ARNT2: variants seen among roughly 807,000 people sequenced by gnomAD.
The protein encoded by ARNT2 is ARNT protein 2.
A neutral mutation model predicts 91.7 loss-of-function variants in ARNT2; 36 were observed. The observed-to-expected ratio is 0.39, with a 90% confidence interval of 0.30 to 0.52. The LOEUF (loss-of-function observed/expected upper bound fraction) is 0.52, where lower values mean the gene tolerates loss of function less well. Among genes scored for constraint, ARNT2 ranks in the 20% least tolerant of loss-of-function variants. The pLI is 0.72. For synonymous variants in ARNT2, 365 were observed against 347.1 expected, an observed-to-expected ratio of 1.05 and a Z score of -0.57; for missense variants, 775 against 939.3, an observed-to-expected ratio of 0.83 and a Z score of 2.29.
intron 1 of ARNT2, among the ~76,000 whole-genome samples, chr15:80,408,987 G>C (rs1567172275): frequency 6.6e-6 from 1 of 151,890 alleles, no homozygotes; most frequent in African/African-American, 2.4e-5. Context: ...TATATCCCCT[G>C]CCCCCACACA....
intron 1 of ARNT2, among the ~76,000 whole-genome samples, chr15:80,433,545 C>A (rs192424917): frequency 6.6e-6 from 1 of 152,058 alleles, no homozygotes; most frequent in Non-Finnish European, 1.5e-5. Flanking sequence ...CACCTCCCCC[C>A]GCCTCGGCCT....
intron 12 of ARNT2, among the ~76,000 whole-genome samples, chr15:80,565,813 C>A (rs1483356103): frequency 6.6e-6 from 1 of 152,060 alleles, no homozygotes; most frequent in African/African-American, 2.4e-5. Context: ...CAAATATTCT[C>A]TCCTATTCTG....
chr15:80,433,410 C>T (rs1009988634), intron 1 of ARNT2, among the ~76,000 whole-genome samples: 8 of 151,684 alleles, frequency 5.3e-5, no homozygotes, highest in African/African-American at 1.5e-4. Flanking sequence ...CTCAGCCTCT[C>T]GAGTAGCTGG....
At chr15:80,569,918 G>T (rs1308130541) in intron 12 of ARNT2, among the ~76,000 whole-genome samples, 1 of 152,242 alleles carries the variant, frequency 6.6e-6, no homozygotes, top group Non-Finnish European at 1.5e-5. Flanking sequence ...GAGATTCTGG[G>T]CCTGGGCCAG....
At chr15:80,550,319 G>A (rs1437198308) in intron 8 of ARNT2, among the ~76,000 whole-genome samples, 1 of 152,142 alleles carries the variant, frequency 6.6e-6, no homozygotes, top group Admixed American at 6.5e-5. Flanking sequence ...GATATTTAAC[G>A]TGCTCTTATC....
chr15:80,554,965 T>C (rs1898151392), intron 10 of ARNT2, 100 bp from the exon 11 acceptor site: 2 of 1,285,674 alleles, frequency 1.6e-6, no homozygotes, highest in Non-Finnish European at 2.2e-6. Context: ...CTAAAGGAGA[T>C]GAGTTAAAGG....
intron 5 of ARNT2, among the ~76,000 whole-genome samples, chr15:80,504,971 G>T (rs951888214): frequency 6.6e-6 from 1 of 152,104 alleles, no homozygotes; most frequent in African/African-American, 2.4e-5. Flanking sequence ...GGACTTTGGA[G>T]GCCTTTTATA....
At chr15:80,555,962 C>T (rs1898177498) in intron 11 of ARNT2, 1 of 150,326 alleles carries the variant, frequency 6.7e-6, no homozygotes, top group Non-Finnish European at 1.5e-5. Context: ...GAGACTCTGT[C>T]TCACTCACTC....
intron 1 of ARNT2, among the ~76,000 whole-genome samples, chr15:80,421,420 G>A (rs1895859798): frequency 3.0e-5 from 3 of 100,218 alleles, no homozygotes; most frequent in South Asian, 2.8e-4. Flanking sequence ...AGGAAGGAAA[G>A]GAGGGAGGGA....
At chr15:80,501,717 C>T (rs537776969) in intron 5 of ARNT2, among the ~76,000 whole-genome samples, 295 of 152,310 alleles carry the variant, frequency 1.9e-3, no homozygotes, top group African/African-American at 6.7e-3. Flanking sequence ...TACTCTGATT[C>T]TCTAAGGGGG....
intron 5 of ARNT2, among the ~76,000 whole-genome samples, chr15:80,484,268 A>T (rs536084519): frequency 6.6e-6 from 1 of 152,202 alleles, no homozygotes; most frequent in East Asian, 1.9e-4. Context: ...GAAATAAAGC[A>T]TTTTTATGGC....
chr15:80,541,690 C>T (rs1212872930), intron 8 of ARNT2, among the ~76,000 whole-genome samples: 2 of 152,060 alleles, frequency 1.3e-5, no homozygotes, highest in African/African-American at 4.8e-5. Context: ...GAGTAAAACC[C>T]ACTTTTAAAG....
intron 7 of ARNT2, 80 bp from the exon 8 acceptor site, chr15:80,514,240 G>T: frequency 7.0e-7 from 1 of 1,428,930 alleles, no homozygotes; most frequent in South Asian, 1.2e-5. Context: ...GAACCCAGTA[G>T]CTTAGATGCC....
chr15:80,473,336 A>T (rs999658757), intron 4 of ARNT2, among the ~76,000 whole-genome samples: 3 of 152,126 alleles, frequency 2.0e-5, no homozygotes, highest in Non-Finnish European at 4.4e-5. Context: ...GGGTGGAAAA[A>T]AGAGGGTCCG....
At chr15:80,583,155 A>G (rs1444016101) in intron 17 of ARNT2, among the ~76,000 whole-genome samples, 1 of 152,232 alleles carries the variant, frequency 6.6e-6, no homozygotes. Flanking sequence ...GGCAGGCAGG[A>G]CAGTCTGCAG....
chr15:80,420,219 G>C (rs1895843235), intron 1 of ARNT2, among the ~76,000 whole-genome samples: 1 of 65,260 alleles, frequency 1.5e-5, no homozygotes, highest in African/African-American at 5.6e-5. Flanking sequence ...CAGCTTACAA[G>C]GGTTTCACTT....
At chr15:80,524,922 A>C (rs1348654594) in intron 8 of ARNT2, among the ~76,000 whole-genome samples, 1 of 152,084 alleles carries the variant, frequency 6.6e-6, no homozygotes, top group East Asian at 1.9e-4. Flanking sequence ...AAAAAGAAAA[A>C]CAGTCTATAA....
chr15:80,495,988 C>A (rs1260231290), intron 5 of ARNT2, among the ~76,000 whole-genome samples: 1 of 152,224 alleles, frequency 6.6e-6, no homozygotes, highest in African/African-American at 2.4e-5. Flanking sequence ...GTGCAGACAT[C>A]TCCTCGAGTA....
intron 1 of ARNT2, among the ~76,000 whole-genome samples, chr15:80,435,671 C>T (rs900655870): frequency 1.7e-4 from 26 of 152,138 alleles, no homozygotes; most frequent in African/African-American, 5.6e-4. Context: ...AGGCCATTAC[C>T]GGCTTAGAAG....
Sources: gnomAD v4.1 joint callset for allele counts (sites outside exome capture counted in the v4.1 genomes callset) on GRCh38, gnomAD v4.1.1 for gene constraint, MANE v1.5 for transcripts, NCBI Gene and HGNC (gene_info 2026-07-23, HGNC 2026-07-21) for gene names.